Variants in PRKRA observed in about 807,000 individuals in gnomAD.
PRKRA encodes the protein interferon-inducible double-stranded RNA-dependent protein kinase activator A.
A neutral mutation model predicts 32.4 loss-of-function variants in PRKRA; 22 were observed. The observed-to-expected ratio is 0.68, with a 90% CI of 0.49 to 0.97. The LOEUF is 0.97. PRKRA is among the 50% of genes least tolerant of loss of function. The pLI, the probability that PRKRA is intolerant of heterozygous loss-of-function variation, is 0.00. For synonymous variants in PRKRA, 139 were observed against 129.8 expected, an observed-to-expected ratio of 1.07 and a Z score of -0.48; for missense variants, 319 against 375.6, an observed-to-expected ratio of 0.85 and a Z score of 1.25.
At chr2:178,438,372 A>T (rs1030799877) in intron 6 of PRKRA, among the ~76,000 whole-genome samples, 1 of 152,124 alleles carries the variant, frequency 6.6e-6, no homozygotes, top group African/African-American at 2.4e-5. Context: ...TGTGGATGTA[A>T]ACTGTTTCTA....
chr2:178,436,112 G>A (rs1696882454), intron 7 of PRKRA, 33 bp downstream of exon 7: 1 of 1,555,470 alleles, frequency 6.4e-7, no homozygotes, highest in African/African-American at 1.4e-5. Context: ...AAATAAACAT[G>A]TCTTGGGAAA....
At chr2:178,447,713 G>GTAA in intron 2 of PRKRA, 127 bp from the exon 3 acceptor site, 1 of 952,628 alleles carries the variant, frequency 1.0e-6, no homozygotes. Context: ...ATAAAAATAT[G>GTAA]TACGTTATAT....
chr2:178,448,021 T>C (rs1697388199), intron 2 of PRKRA, among the ~76,000 whole-genome samples: 1 of 152,236 alleles, frequency 6.6e-6, no homozygotes, highest in Admixed American at 6.5e-5. Context: ...TACAGCAGAA[T>C]TGTTTGATAG....
In PRKRA at chr2:178,438,018, G is replaced by A. The variant is rs80187438; in HGVS notation, c.610-1699C>T. Reference sequence around the variant, plus strand: ...GTGTGCAGCAGATGTGTACAAAAGAGCTTTAAAGGTAGTACTGAAAACAGT... The same window carrying A: ...GTGTGCAGCAGATGTGTACAAAAGAACTTTAAAGGTAGTACTGAAAACAGT... On this transcript the variant is annotated intron_variant, in intron 6 of 7. Coordinates refer to ENST00000325748, the MANE Select transcript of PRKRA (RefSeq NM_003690.5). Among the ~76,000 whole-genome samples, 788 of 152,208 alleles carry A rather than the reference G, an allele frequency of 5.2e-3. 17 individuals are homozygous for A. Among genetic ancestry groups the A allele is most frequent in the East Asian group, 0.034 (178 of 5,178 alleles).
intron 6 of PRKRA, chr2:178,440,377 T>C (rs1697066419): frequency 6.6e-6 from 1 of 152,190 alleles, no homozygotes; most frequent in Non-Finnish European, 1.5e-5. Flanking sequence ...ATGTACCACA[T>C]GACACACCTA....
In PRKRA at chr2:178,443,389, AAAATCAAG is replaced by A. The variant is rs747380975; in HGVS notation, c.397-13_397-6del. 7.0e-6 allele frequency: 11 copies of A among 1,568,848 alleles called. No homozygotes were observed. The highest frequency in any genetic ancestry group is 9.7e-6 in the Non-Finnish European group (11 of 1,139,118). ...GCCATGATGAATAGCCAATTCCTATAAAATCAAGATGAGGCTTTAATAGTAATTTTATG... is the reference window on the plus strand; with the variant it reads ...GCCATGATGAATAGCCAATTCCTATAATGAGGCTTTAATAGTAATTTTATG... On this transcript the variant is annotated splice_region_variant and splice_polypyrimidine_tract_variant and intron_variant, in intron 4 of 7. Transcript: ENST00000325748.
chr2:178,441,942 G>A (rs1013552016), intron 5 of PRKRA, among the ~76,000 whole-genome samples: 9 of 145,648 alleles, frequency 6.2e-5, no homozygotes, highest in African/African-American at 2.3e-4. Flanking sequence ...CTGGAGTGCA[G>A]TGGCACCATC....
At chr2:178,445,694 G>A (rs1697292088) in intron 3 of PRKRA, 1 of 154,358 alleles carries the variant, frequency 6.5e-6, no homozygotes, top group South Asian at 2.0e-4. Context: ...ATCACCAGTG[G>A]GGGAGAACCC....
intron 2 of PRKRA, 82 bp downstream of exon 2, chr2:178,450,158 AAG>A (rs1412578674): frequency 3.8e-6 from 6 of 1,561,124 alleles, no homozygotes; most frequent in South Asian, 2.2e-5. Context: ...GTCTGGCAAA[AAG>A]AGAACTTTTC....
chr2:178,450,250 G>A lies in PRKRA; in HGVS notation c.227C>T (p.Thr76Ile). The change falls in exon 2 of 8, where the codon ACC becomes ATC. Residue 76 changes from threonine to isoleucine, a missense_variant. By Grantham distance (89) the Thr-to-Ile change is moderately conservative. Coordinates refer to ENST00000325748, the MANE Select transcript of PRKRA (RefSeq NM_003690.5). ...TAACTGTGTATACAGACCTGTGCAGGTTATGTCACCAACGGTTACTCTGAA... is the reference window on the plus strand; with the variant it reads ...TAACTGTGTATACAGACCTGTGCAGATTATGTCACCAACGGTTACTCTGAA... ...FTFRVTVGDI[T>I]CTGEGTSKKL... The A allele has an allele frequency of 6.2e-7, 1 of 1,614,252 alleles. No homozygotes were observed. Among genetic ancestry groups the A allele is most frequent in the Admixed American group, 1.7e-5 (1 of 60,030 alleles).
At chr2:178,450,907 G>T (rs988860272) in intron 1 of PRKRA, 59 bp downstream of exon 1, 4 of 1,222,032 alleles carry the variant, frequency 3.3e-6, no homozygotes, top group Non-Finnish European at 4.1e-6. Flanking sequence ...GGCTCCCCGC[G>T]CCCCGGCCCT....
chr2:178,436,310 C>A lies in PRKRA; in HGVS notation c.619G>T (p.Val207Leu). The A allele has an allele frequency of 6.2e-7, 1 of 1,613,512 alleles. No individual in the cohort carries two copies. ...CAAGTACATCCTAAAGAATGTCCTACTACATTTGTCTGAAAAACAGAGATG... is the reference window on the plus strand; with the variant it reads ...CAAGTACATCCTAAAGAATGTCCTAATACATTTGTCTGAAAAACAGAGATG... Reference protein sequence around the residue: ...PENHISLTNVVGHSLGCTWHS... With the variant: ...PENHISLTNVLGHSLGCTWHS... The change falls in exon 7 of 8, where the codon GTA becomes TTA. Residue 207 changes from valine (V) to leucine (L), a missense_variant. Val to Leu is a conservative substitution (Grantham distance 32). Coordinates refer to ENST00000325748, the MANE Select transcript of PRKRA (RefSeq NM_003690.5).
chr2:178,437,038 A>C (rs918213770), intron 6 of PRKRA, among the ~76,000 whole-genome samples: 10 of 152,140 alleles, frequency 6.6e-5, no homozygotes, highest in Admixed American at 2.6e-4. Context: ...AATAAAAACA[A>C]CTACTTTCTG....
At chr2:178,437,473 A>AT (rs1318649390) in intron 6 of PRKRA, among the ~76,000 whole-genome samples, 1 of 152,164 alleles carries the variant, frequency 6.6e-6, no homozygotes, top group Non-Finnish European at 1.5e-5. Context: ...TATGCACTGT[A>AT]TTTACCTTAC....
intron 1 of PRKRA, 136 bp from the exon 2 acceptor site, chr2:178,450,547 G>T: frequency 3.9e-6 from 6 of 1,552,858 alleles, no homozygotes; most frequent in African/African-American, 1.4e-5. Flanking sequence ...CAGAGCTGGC[G>T]AGGCTGGGGC....
At chr2:178,437,705 TA>T (rs1696955209) in intron 6 of PRKRA, among the ~76,000 whole-genome samples, 1 of 152,260 alleles carries the variant, frequency 6.6e-6, no homozygotes, top group Non-Finnish European at 1.5e-5. Flanking sequence ...TGTTTTCTCA[TA>T]CCCTCACTAA....
chr2:178,441,597 C>CATAATGTCAT lies in PRKRA; in HGVS notation c.609+12_609+13insATGACATTAT. 1.3e-6 allele frequency: 2 copies of CATAATGTCAT among 1,557,418 alleles called. No individual in the cohort carries two copies. The highest frequency in any genetic ancestry group is 1.8e-6 in the Non-Finnish European group (2 of 1,129,098). On this transcript the variant is annotated intron_variant, in intron 6 of 7. Transcript: ENST00000325748. ...TTAATGACATTAACATCATAGCTGT[C>CATAATGTCAT]AACATTACTCACTAAAGAAATGTGG...
chr2:178,447,811 A>T (rs1485731393), intron 2 of PRKRA, among the ~76,000 whole-genome samples: 1 of 152,258 alleles, frequency 6.6e-6, no homozygotes, highest in African/African-American at 2.4e-5. Context: ...TTTAAAAAAT[A>T]ACTTTTTAAA....
Position 178,432,184 on chromosome 2 carries a change from A to C in PRKRA, c.855T>G (p.His285Gln). ...ELSTSPITVC[H>Q]GSGISCGNAQ... is the part of the protein sequence containing the mutation. ...CATTGCCACAGGAGATACCGGAGCC[A>C]TGACAGACTGTGATGGGGCTGGTGG... Residue 285 changes from histidine to glutamine, a missense_variant, in exon 8 of 8, where the codon CAT (histidine) becomes CAG (glutamine). By Grantham distance (24) the His-to-Gln change is conservative. Transcript: ENST00000325748. The C allele has an allele frequency of 6.2e-7, 1 of 1,614,246 alleles. No individual in the cohort carries two copies. Among genetic ancestry groups the C allele is most frequent in the Non-Finnish European group, 8.5e-7 (1 of 1,180,034 alleles).
Sources: allele counts gnomAD v4.1 joint callset (sites outside exome capture counted in the v4.1 genomes callset), GRCh38; gene constraint gnomAD v4.1.1; transcripts MANE v1.5; gene names NCBI Gene and HGNC (gene_info 2026-07-23, HGNC 2026-07-21).